CD3G: variants seen among roughly 807,000 people sequenced by gnomAD.
The protein encoded by CD3G is CD3 gamma subunit of T-cell receptor complex, also known as T-cell surface glycoprotein CD3 gamma chain.
A neutral mutation model predicts 28.3 loss-of-function variants in CD3G; 24 were observed. The ratio of observed to expected loss-of-function variants is 0.85; its 90% CI spans 0.61 to 1.19. CD3G has a LOEUF of 1.19. CD3G is among the 50% of genes most tolerant of loss of function. CD3G has a pLI of 0.00. For synonymous variants in CD3G, 71 were observed against 75.9 expected (o/e 0.93, Z 0.34); for missense variants, 211 against 210.0 (o/e 1.00, Z -0.03).
At chr11:118,347,797 T>C (rs1212955958) in intron 1 of CD3G, among the ~76,000 whole-genome samples, 1 of 152,160 alleles carries the variant, frequency 6.6e-6, no homozygotes, top group African/African-American at 2.4e-5. Flanking sequence ...TTTTTTGTAT[T>C]GTCTGTAGAG....
chr11:118,344,573 G>T, intron 1 of CD3G, 95 bp downstream of exon 1: 1 of 1,052,756 alleles, frequency 9.5e-7, no homozygotes, highest in Non-Finnish European at 1.4e-6. Context: ...CTAACCTTCA[G>T]CCTACCTCTG....
In CD3G at chr11:118,349,811, G is replaced by A. The variant is rs1948389041; in HGVS notation, c.148G>A (p.Ala50Thr). ...GSVLLTCDAE[A>T]KNITWFKDGK... ...GGTACTTCTGACTTGTGATGCAGAAGCCAAAAATATCACATGGTTTAAAGA... is the reference window on the plus strand; with the variant it reads ...GGTACTTCTGACTTGTGATGCAGAAACCAAAAATATCACATGGTTTAAAGA... Residue 50 changes from alanine (A) to threonine (T), a missense_variant, in exon 3 of 7, where the codon GCC (alanine) becomes ACC (threonine). Physicochemically the swap from Ala to Thr is moderately conservative, Grantham distance 58. Coordinates refer to ENST00000532917, the MANE Select transcript of CD3G (RefSeq NM_000073.3). 6.2e-7 allele frequency: 1 copy of A among 1,613,986 alleles called. No homozygotes were observed. The highest frequency in any genetic ancestry group is 1.7e-5 in the Admixed American group (1 of 59,998).
At chr11:118,350,903 AC>A (rs1253952660) in intron 4 of CD3G, 37,559 of 1,005,858 alleles carry the variant, frequency 0.037, 1,689 homozygotes, top group African/African-American at 0.042. Flanking sequence ...AAAAAAAAAA[AC>A]AAAAACAGGC....
Position 118,350,889 on chromosome 11 carries a change from G to GAAAAAAAAAA in CD3G, c.439+211_439+220dup, listed in dbSNP as rs372079196. 4.4e-4 allele frequency: 276 copies of GAAAAAAAAAA among 632,164 alleles called. 9 individuals carry two copies. Among genetic ancestry groups the GAAAAAAAAAA allele is most frequent in the African/African-American group, 2.7e-3 (100 of 36,678 alleles). The allele number at this position is 632,164 out of a possible 1,614,324, so 39.2% of individuals were successfully genotyped here. ...TGTCTCAAGATACAGCTCCCTCTGT[G>GAAAAAAAAAA]AAAAAAAAAAAAAACAAAAACAGGC... On this transcript the variant is annotated intron_variant, in intron 4 of 6. Coordinates refer to ENST00000532917, the MANE Select transcript of CD3G (RefSeq NM_000073.3).
chr11:118,346,636 G>A (rs1948359350), intron 1 of CD3G, among the ~76,000 whole-genome samples: 2 of 151,528 alleles, frequency 1.3e-5, no homozygotes, highest in African/African-American at 4.9e-5. Context: ...GGCAAAATAG[G>A]GATACCCTGT....
chr11:118,352,261 C>G, intron 5 of CD3G, 143 bp from the exon 6 acceptor site: 1 of 767,916 alleles, frequency 1.3e-6, no homozygotes, highest in Non-Finnish European at 2.4e-6. Flanking sequence ...GACAGAGCCT[C>G]CATCTCCTTG....
At chr11:118,351,740 A>G in intron 5 of CD3G, 69 bp downstream of exon 5, 1 of 1,437,266 alleles carries the variant, frequency 7.0e-7, no homozygotes, top group Non-Finnish European at 9.8e-7. Context: ...ATTGAGGGGC[A>G]TGTTATTTGG....
rs1948399676 is a variant in CD3G at position 118,350,693 on chromosome 11, T to C, written c.439+10T>C. ...GTTCGCCAGTCGAGAGGTAAAAGAA[T>C]GCTCTTAGATGAGAGATGGGACCAC... On this transcript the variant is annotated intron_variant, in intron 4 of 6. Coordinates refer to ENST00000532917, the MANE Select transcript of CD3G (RefSeq NM_000073.3). 1 of 1,613,552 alleles carries C rather than the reference T, an allele frequency of 6.2e-7. No individual in the cohort carries two copies. Among genetic ancestry groups the C allele is most frequent in the Non-Finnish European group, 8.5e-7 (1 of 1,179,890 alleles).
rs921471110 is a variant in CD3G at position 118,353,267 on chromosome 11, G to T, written c.*167G>T. 4.6e-5 allele frequency: 7 copies of T among 152,030 alleles called. No individual in the cohort carries two copies. In the South Asian group the frequency reaches 6.2e-4, roughly 14 times the overall value. 9.4% of individuals were successfully genotyped at this position (152,030 alleles called of 1,614,324 possible). A position where few individuals can be genotyped will look rare whatever the true frequency, so the allele number is the denominator to read the frequency against. ...AAAGGCCATCAGAGCAAATTTGGGG[G>T]TTTCTCAAATAAAATAAAAATAAAA... On this transcript the variant is annotated 3_prime_UTR_variant, in exon 7 of 7. Coordinates refer to ENST00000532917, the MANE Select transcript of CD3G (RefSeq NM_000073.3).
At position 118,353,463 on chromosome 11, in the gene CD3G, C is replaced by T. The variant is rs1044606855; in HGVS notation, c.*363C>T. On this transcript the variant is annotated 3_prime_UTR_variant, in exon 7 of 7. Coordinates refer to ENST00000532917, the MANE Select transcript of CD3G (RefSeq NM_000073.3). ...CAAATATTCAGTGAAAGCTCTCCCTCCACCGCCATCCCCTGCTACCCAGTG... is the reference window on the plus strand; with the variant it reads ...CAAATATTCAGTGAAAGCTCTCCCTTCACCGCCATCCCCTGCTACCCAGTG... 1.3e-5 allele frequency: 2 copies of T among 151,732 alleles called. No individual in the cohort carries two copies. 9.4% of individuals were successfully genotyped at this position (151,732 alleles called of 1,614,324 possible). A position where few individuals can be genotyped will look rare whatever the true frequency, so the allele number is the denominator to read the frequency against.
chr11:118,354,833 G>A lies in CD3G; in HGVS notation c.*1733G>A, dbSNP rs1199829258. ...TTATTTGTTTGTCTTCTTACTATTG[G>A]GTTGCATATGTTTTTGATATAAGTC... On this transcript the variant is annotated 3_prime_UTR_variant, in exon 7 of 7. Coordinates refer to ENST00000532917, the MANE Select transcript of CD3G (RefSeq NM_000073.3). 6.6e-6 allele frequency: 1 copy of A among 151,890 alleles called. No individual in the cohort carries two copies. The highest frequency in any genetic ancestry group is 1.5e-5 in the Non-Finnish European group (1 of 67,960). The allele number at this position is 151,890 out of a possible 1,614,324, so 9.4% of individuals were successfully genotyped here. A position where few individuals can be genotyped will look rare whatever the true frequency, so the allele number is the denominator to read the frequency against.
intron 1 of CD3G, among the ~76,000 whole-genome samples, chr11:118,345,943 G>A (rs1328377872): frequency 6.6e-6 from 1 of 152,230 alleles, no homozygotes; most frequent in African/African-American, 2.4e-5. Flanking sequence ...TGAGAGAAAT[G>A]CAAGGAAAAG....
At chr11:118,345,219 C>T (rs763344457) in intron 1 of CD3G, among the ~76,000 whole-genome samples, 5 of 151,908 alleles carry the variant, frequency 3.3e-5, no homozygotes, top group Non-Finnish European at 7.4e-5. Context: ...AAAAACATTC[C>T]AGGAAAGAGA....
At chr11:118,346,231 C>T (rs931281502) in intron 1 of CD3G, among the ~76,000 whole-genome samples, 7 of 152,074 alleles carry the variant, frequency 4.6e-5, no homozygotes, top group South Asian at 4.2e-4. Context: ...GTCAGGAGTT[C>T]GAGACCATCC....
At chr11:118,344,937 A>G (rs1948341962) in intron 1 of CD3G, among the ~76,000 whole-genome samples, 2 of 152,214 alleles carry the variant, frequency 1.3e-5, no homozygotes, top group Admixed American at 6.5e-5. Flanking sequence ...AAATGAATAA[A>G]ACACTTATGC....
At chr11:118,346,374 T>C (rs1591282289) in intron 1 of CD3G, among the ~76,000 whole-genome samples, 1 of 151,696 alleles carries the variant, frequency 6.6e-6, no homozygotes, top group Non-Finnish European at 1.5e-5. Context: ...GAGATGGAGG[T>C]TGCAGTGAGC....
intron 1 of CD3G, among the ~76,000 whole-genome samples, chr11:118,345,691 G>A (rs1442347930): frequency 6.6e-6 from 1 of 152,124 alleles, no homozygotes; most frequent in Non-Finnish European, 1.5e-5. Flanking sequence ...GTCAAGAGTG[G>A]GGTCAAGAGC....
chr11:118,349,955 C>T lies in CD3G; in HGVS notation c.292C>T (p.Gln98Ter). Residue 98 changes from glutamine to a stop codon, truncating the protein, a stop_gained, in exon 3 of 7, where the codon CAA (glutamine) becomes TAA (stop). Transcript: ENST00000532917. LOFTEE classifies it high-confidence loss of function. Reference sequence around the variant, plus strand: ...ATCACAGAACAAGTCAAAACCACTCCAAGTGTATTACAGAAGTATGTAATC... The same window carrying T: ...ATCACAGAACAAGTCAAAACCACTCTAAGTGTATTACAGAAGTATGTAATC... The part of the protein sequence containing the change: ...KGSQNKSKPL[Q>*]VYYRMCQNCI... 3.1e-6 allele frequency: 5 copies of T among 1,613,006 alleles called. No homozygotes were observed. Among genetic ancestry groups the T allele is most frequent in the Non-Finnish European group, 4.2e-6 (5 of 1,179,020 alleles).
intron 5 of CD3G, among the ~76,000 whole-genome samples, chr11:118,351,872 G>T (rs914411983): frequency 6.6e-6 from 1 of 151,878 alleles, no homozygotes; most frequent in Non-Finnish European, 1.5e-5. Context: ...GTGAGCACAA[G>T]TTGAAGAACA....
Sources: allele counts gnomAD v4.1 joint callset (sites outside exome capture counted in the v4.1 genomes callset), GRCh38; gene constraint gnomAD v4.1.1; transcripts MANE v1.5; gene names NCBI Gene and HGNC (gene_info 2026-07-23, HGNC 2026-07-21).